GRIK2: variants seen among roughly 807,000 people sequenced by gnomAD.
GRIK2 encodes the protein glutamate receptor ionotropic, kainate 2.
A neutral mutation model predicts 100.3 loss-of-function variants in GRIK2; 32 were observed. The observed-to-expected ratio is 0.32, with a 90% confidence interval of 0.24 to 0.43. The LOEUF is 0.43. Among genes scored for constraint, GRIK2 ranks in the 20% least tolerant of loss-of-function variants. The pLI, the probability that GRIK2 is intolerant of heterozygous loss-of-function variation, is 1.00. For missense variants in GRIK2, 843 were observed against 1,114.9 expected, an observed-to-expected ratio of 0.76 and a Z score of 3.47; for synonymous variants, 417 against 389.4, an observed-to-expected ratio of 1.07 and a Z score of -0.83.
intron 2 of GRIK2, among the ~76,000 whole-genome samples, chr6:101,539,628 CCTT>C (rs777319793): frequency 2.0e-5 from 3 of 151,584 alleles, no homozygotes; most frequent in Non-Finnish European, 4.4e-5. Flanking sequence ...TTCTAGTGGG[CCTT>C]CTTTTATCTT....
At chr6:101,938,326 A>G (rs1790736332) in intron 14 of GRIK2, among the ~76,000 whole-genome samples, 1 of 152,128 alleles carries the variant, frequency 6.6e-6, no homozygotes, top group African/African-American at 2.4e-5. Flanking sequence ...GATGAAGCAC[A>G]GTTTATAAAT....
At chr6:101,542,960 T>G (rs542832165) in intron 2 of GRIK2, among the ~76,000 whole-genome samples, 2 of 152,276 alleles carry the variant, frequency 1.3e-5, no homozygotes, top group East Asian at 3.9e-4. Flanking sequence ...GAATGATACC[T>G]TCTCTTAATG....
chr6:102,028,725 C>T (rs1221736081), intron 14 of GRIK2, among the ~76,000 whole-genome samples: 8 of 135,558 alleles, frequency 5.9e-5, no homozygotes, highest in South Asian at 2.4e-4. Flanking sequence ...ATTAAGAAAT[C>T]GTTTTTTTTA....
chr6:101,481,115 A>G (rs1446570105), intron 2 of GRIK2, among the ~76,000 whole-genome samples: 2 of 152,178 alleles, frequency 1.3e-5, no homozygotes. Flanking sequence ...TTGGTGACAC[A>G]CTGACATTGA....
chr6:101,666,452 C>G lies in GRIK2; in HGVS notation c.542-10171C>G, dbSNP rs147479818. Among the ~76,000 whole-genome samples, 56 of 152,322 alleles carry G rather than the reference C, an allele frequency of 3.7e-4. 1 individual carries two copies. The highest frequency in any genetic ancestry group is 1.3e-3 in the African/African-American group (54 of 41,584). Reference sequence around the variant, plus strand: ...GGCTGACCTGTAGTCTCCAACCCCTCCAGAACTTGAGCTGATGCCACATAG... The same window carrying G: ...GGCTGACCTGTAGTCTCCAACCCCTGCAGAACTTGAGCTGATGCCACATAG... On this transcript the variant is annotated intron_variant, in intron 4 of 16. Coordinates refer to ENST00000369134, the MANE Select transcript of GRIK2 (RefSeq NM_021956.5).
chr6:101,593,175 T>C (rs1259290839), intron 2 of GRIK2, among the ~76,000 whole-genome samples: 1 of 151,808 alleles, frequency 6.6e-6, no homozygotes, highest in East Asian at 1.9e-4. Flanking sequence ...ATAATAGATT[T>C]AGAATAGGAA....
chr6:101,573,008 G>A (rs189655042), intron 2 of GRIK2, among the ~76,000 whole-genome samples: 341 of 151,458 alleles, frequency 2.3e-3, no homozygotes, highest in Non-Finnish European at 3.4e-3. Context: ...CACCATTCCC[G>A]GCTTATTTTT....
intron 15 of GRIK2, among the ~76,000 whole-genome samples, chr6:102,043,460 T>TATCA (rs1040622845): frequency 7.9e-5 from 12 of 152,030 alleles, no homozygotes; most frequent in African/African-American, 2.6e-4. Context: ...TTTCTGTTTC[T>TATCA]ATCAGTTCAA....
chr6:101,919,781 T>C (rs1356721850), intron 12 of GRIK2, among the ~76,000 whole-genome samples: 2 of 151,720 alleles, frequency 1.3e-5, no homozygotes. Flanking sequence ...ATAATGGTAT[T>C]AGAAGTTCAA....
rs200319937 is a variant in GRIK2, at chr6:101,613,959, CAG to C, written c.116-7989_116-7988del. On this transcript the variant is annotated intron_variant, in intron 2 of 16. Transcript: ENST00000369134. ...GATATGATTAAAAACTTTAGGAAAA[CAG>C]GGGATGGATTAATATATGGGAGAAC... Among the ~76,000 whole-genome samples, 707 of 150,976 alleles carry C rather than the reference CAG, an allele frequency of 4.7e-3. 7 individuals are homozygous for C. The highest frequency in any genetic ancestry group is 0.016 in the African/African-American group (652 of 40,800).
intron 7 of GRIK2, among the ~76,000 whole-genome samples, chr6:101,739,210 C>T (rs768599393): frequency 3.3e-5 from 5 of 152,172 alleles, no homozygotes; most frequent in African/African-American, 4.8e-5. Flanking sequence ...AATGGACTAT[C>T]GCATGCTATT....
chr6:101,435,036 T>G (rs1467065479), intron 2 of GRIK2, among the ~76,000 whole-genome samples: 1 of 152,140 alleles, frequency 6.6e-6, no homozygotes, highest in Non-Finnish European at 1.5e-5. Flanking sequence ...GATCACATAG[T>G]CCCAACTCTT....
At chr6:102,017,445 A>G (rs1769171392) in intron 14 of GRIK2, among the ~76,000 whole-genome samples, 1 of 152,196 alleles carries the variant, frequency 6.6e-6, no homozygotes, top group East Asian at 1.9e-4. Context: ...GAGTGGGGAC[A>G]TAAAGCCAAA....
intron 2 of GRIK2, among the ~76,000 whole-genome samples, chr6:101,476,566 T>C (rs1353619881): frequency 6.6e-6 from 1 of 152,120 alleles, no homozygotes; most frequent in Non-Finnish European, 1.5e-5. Flanking sequence ...ATGTGAATAA[T>C]TATAGTACCT....
Position 101,868,373 on chromosome 6 carries a change from G to T in GRIK2, c.1524+8880G>T, listed in dbSNP as rs118042146. ...TGTGAGGAAGCATGTCCAAAATCTA[G>T]TATTATTTAAAGTCAGTAATAAAAA... On this transcript the variant is annotated intron_variant, in intron 11 of 16. Coordinates refer to ENST00000369134, the MANE Select transcript of GRIK2 (RefSeq NM_021956.5). 1.5e-4 allele frequency among the ~76,000 whole-genome samples: 23 copies of T among 151,732 alleles called. 1 individual carries two copies. The East Asian group carries it at 3.9e-3, about 25-fold the overall frequency.
chr6:101,587,466 T>G (rs934638279), intron 2 of GRIK2, among the ~76,000 whole-genome samples: 1 of 152,110 alleles, frequency 6.6e-6, no homozygotes, highest in African/African-American at 2.4e-5. Flanking sequence ...CCTACCCACC[T>G]ATCTGAAATA....
At chr6:101,760,340 T>A (rs1161470467) in intron 7 of GRIK2, among the ~76,000 whole-genome samples, 1 of 108,016 alleles carries the variant, frequency 9.3e-6, no homozygotes, top group Non-Finnish European at 1.7e-5. Context: ...TATATATTTA[T>A]TATATATAAT....
rs963720184 is a variant in GRIK2 at position 101,581,228 on chromosome 6, TCACA to T, written c.116-40716_116-40713del. 5.8e-5 allele frequency among the ~76,000 whole-genome samples: 7 copies of T among 121,436 alleles called. No individual in the cohort carries two copies. In the East Asian group the frequency reaches 6.2e-4, roughly 11 times the overall value. 79.7% of individuals were successfully genotyped at this position (121,436 alleles called of 152,430 possible). On this transcript the variant is annotated intron_variant, in intron 2 of 16. Coordinates refer to ENST00000369134, the MANE Select transcript of GRIK2 (RefSeq NM_021956.5). ...CGCATATATATACATTCACACACAC[TCACA>T]CACATATATGTGTATATATACACAT...
Position 101,398,993 on chromosome 6 carries a change from G to A in GRIK2, c.-285G>A, listed in dbSNP as rs538838760. The A allele has an allele frequency of 2.3e-5, 10 of 430,678 alleles. No homozygotes were observed. In the Admixed American group the frequency reaches 4.2e-4, roughly 18 times the overall value. The allele number at this position is 430,678 out of a possible 1,614,324, so 26.7% of individuals were successfully genotyped here. Reference sequence around the variant, plus strand: ...CTCCTCTGCTTTCACAGGCTCGCGCGGCCGGACATTGTGGGTGTGCGTGCT... The same window carrying A: ...CTCCTCTGCTTTCACAGGCTCGCGCAGCCGGACATTGTGGGTGTGCGTGCT... On this transcript the variant is annotated 5_prime_UTR_variant, in exon 2 of 17. Transcript: ENST00000369134.
Sources: allele counts gnomAD v4.1 joint callset (sites outside exome capture counted in the v4.1 genomes callset), GRCh38; gene constraint gnomAD v4.1.1; transcripts MANE v1.5; gene names NCBI Gene and HGNC (gene_info 2026-07-23, HGNC 2026-07-21).